The following PHIP variants were observed in gnomAD, a reference collection of about 807,000 sequenced individuals.
PHIP encodes PHIP subunit of CUL4-Ring ligase complex, also known as PH-interacting protein.
PHIP carries 54 observed loss-of-function variants against 236.8 expected under a neutral mutation model. That is an observed-to-expected ratio of 0.23 (90% CI 0.18 to 0.29). PHIP has a LOEUF of 0.29. Among genes scored for constraint, PHIP ranks in the 10% least tolerant of loss-of-function variants. The pLI is 1.00. For missense variants in PHIP, 1,370 were observed against 2,190.8 expected (o/e 0.63, Z 7.48); for synonymous variants, 756 against 718.9 (o/e 1.05, Z -0.83).
intron 4 of PHIP, among the ~76,000 whole-genome samples, chr6:79,065,569 T>C (rs1317208498): frequency 6.6e-6 from 1 of 152,160 alleles, no homozygotes; most frequent in Non-Finnish European, 1.5e-5. Context: ...TTCCCTCTAA[T>C]GTAACTTCCT....
At chr6:78,994,794 G>A (rs1228167776) in intron 19 of PHIP, among the ~76,000 whole-genome samples, 6 of 152,092 alleles carry the variant, frequency 3.9e-5, no homozygotes, top group African/African-American at 1.4e-4. Context: ...CATCAACATC[G>A]AGGCAAGACC....
intron 15 of PHIP, chr6:79,004,306 T>C: frequency 1.7e-6 from 1 of 571,690 alleles, no homozygotes; most frequent in Non-Finnish European, 2.2e-6. Context: ...TGGTAATAAA[T>C]TCCCTGGTAG....
At chr6:79,028,518 C>T (rs1260785850) in intron 7 of PHIP, among the ~76,000 whole-genome samples, 1 of 152,220 alleles carries the variant, frequency 6.6e-6, no homozygotes, top group East Asian at 1.9e-4. Flanking sequence ...CTGTAGCAGA[C>T]TATGACTCCC....
chr6:79,002,227 A>T, intron 16 of PHIP, 103 bp from the exon 17 acceptor site: 1 of 692,846 alleles, frequency 1.4e-6, no homozygotes. Flanking sequence ...CTGAATACGA[A>T]TAATGGTATT....
intron 19 of PHIP, 30 bp downstream of exon 19, chr6:78,997,384 T>C (rs776449816): frequency 1.9e-5 from 30 of 1,591,372 alleles, no homozygotes; most frequent in Admixed American, 3.3e-5. Context: ...CAAGGAACTA[T>C]GGTACATAAA....
At chr6:79,015,343 T>C (rs1465917861) in intron 14 of PHIP, 127 bp from the exon 15 acceptor site, 46 of 761,358 alleles carry the variant, frequency 6.0e-5, no homozygotes, top group African/African-American at 5.3e-5. Flanking sequence ...TTGGCAAAAA[T>C]CTTCAAATTT....
intron 24 of PHIP, among the ~76,000 whole-genome samples, chr6:78,977,094 T>C (rs1166290550): frequency 1.5e-5 from 2 of 133,564 alleles, no homozygotes; most frequent in Admixed American, 7.7e-5. Context: ...TATTGTGGCA[T>C]TATTCACAAT....
At chr6:79,058,301 C>G (rs747814377) in intron 6 of PHIP, among the ~76,000 whole-genome samples, 14 of 151,982 alleles carry the variant, frequency 9.2e-5, no homozygotes, top group Non-Finnish European at 1.2e-4. Flanking sequence ...CTGTTGTCTC[C>G]GACATCCACT....
intron 24 of PHIP, among the ~76,000 whole-genome samples, chr6:78,973,721 T>A (rs1406821476): frequency 2.0e-5 from 3 of 151,694 alleles, no homozygotes; most frequent in African/African-American, 7.3e-5. Flanking sequence ...AGACAGGGGT[T>A]GCAATCCTAG....
chr6:78,965,718 G>T lies in PHIP; in HGVS notation c.3364C>A (p.Leu1122Ile). The T allele has an allele frequency of 1.3e-6, 2 of 1,558,980 alleles. No individual in the cohort carries two copies. The highest frequency in any genetic ancestry group is 1.8e-6 in the Non-Finnish European group (2 of 1,133,750). Residue 1122 changes from leucine to isoleucine, a missense_variant, in exon 29 of 40, where the codon CTT becomes ATT. Around this residue, in one of 14 missense-constraint regions of PHIP, gnomAD observed 238 missense variants for 398.5 expected, o/e 0.60. Transcript: ENST00000275034. Reference sequence around the variant, plus strand: ...ACACACTTACCATTATTAGGTATAAGCTCCATATCCCAAGGACTCATCTTT... The same window carrying T: ...ACACACTTACCATTATTAGGTATAATCTCCATATCCCAAGGACTCATCTTT... ...TEKMSPWDME[L>I]IPNNAVFPEE...
At chr6:79,013,480 C>A (rs1305645537) in intron 15 of PHIP, among the ~76,000 whole-genome samples, 4 of 151,626 alleles carry the variant, frequency 2.6e-5, no homozygotes, top group Non-Finnish European at 5.9e-5. Flanking sequence ...TCTTATTTAA[C>A]AATAAACAAT....
rs1770984174 is a variant in PHIP, at chr6:79,019,129, A to G, written c.954T>C (p.Pro318=). ...NPRPAKFTER[P]RPGVQMICSS... is the part of the protein sequence containing the mutation. ...AACAGATCATTTGAACTCCAGGCCG[A>G]GGGCGCTCTGTAAATTTTGCAGGTC... The change falls in exon 10 of 40, where the codon CCT becomes CCC. Residue 318 remains proline, a synonymous_variant. Coordinates refer to ENST00000275034, the MANE Select transcript of PHIP (RefSeq NM_017934.7). 4 of 1,612,988 alleles carry G rather than the reference A, an allele frequency of 2.5e-6. No homozygotes were observed. The highest frequency in any genetic ancestry group is 2.5e-6 in the Non-Finnish European group (3 of 1,179,100).
chr6:78,970,696 G>A (rs1232084177), intron 25 of PHIP, 85 bp downstream of exon 25: 7 of 817,670 alleles, frequency 8.6e-6, no homozygotes, highest in Non-Finnish European at 1.4e-5. Flanking sequence ...GTTTCTTATT[G>A]TGTTAATAGT....
intron 17 of PHIP, among the ~76,000 whole-genome samples, chr6:78,999,880 G>A (rs1769876168): frequency 6.6e-6 from 1 of 151,964 alleles, no homozygotes. Context: ...GCAGACAGAA[G>A]TAAAAGTTCA....
chr6:79,070,321 C>T (rs1773820629), intron 4 of PHIP, among the ~76,000 whole-genome samples: 2 of 152,208 alleles, frequency 1.3e-5, no homozygotes, highest in Admixed American at 1.3e-4. Context: ...CATCCTTTAA[C>T]TGCTTATACT....
At chr6:78,954,307 C>T (rs1211482554) in intron 35 of PHIP, among the ~76,000 whole-genome samples, 2 of 151,812 alleles carry the variant, frequency 1.3e-5, no homozygotes, top group African/African-American at 2.4e-5. Flanking sequence ...GGGATTTCAC[C>T]GTGTTAGCCA....
At chr6:78,968,802 C>G (rs953393091) in intron 27 of PHIP, among the ~76,000 whole-genome samples, 2 of 152,154 alleles carry the variant, frequency 1.3e-5, no homozygotes, top group Non-Finnish European at 2.9e-5. Context: ...CCCACAATCT[C>G]TAACAGCTCA....
At chr6:79,043,266 T>C (rs1028866578) in intron 6 of PHIP, among the ~76,000 whole-genome samples, 2 of 150,982 alleles carry the variant, frequency 1.3e-5, no homozygotes, top group African/African-American at 4.8e-5. Context: ...AAGTAAGGCA[T>C]GAAGCTAGGA....
intron 35 of PHIP, among the ~76,000 whole-genome samples, chr6:78,949,686 CT>C (rs374657247): frequency 5.3e-4 from 78 of 147,220 alleles, no homozygotes; most frequent in Admixed American, 5.4e-4. Context: ...CTCTTTTTTA[CT>C]TTTTTTTTTT....
Sources: allele counts gnomAD v4.1 joint callset (sites outside exome capture counted in the v4.1 genomes callset), GRCh38; gene constraint gnomAD v4.1.1; regional missense constraint gnomAD v4.1.1; transcripts MANE v1.5; gene names NCBI Gene and HGNC (gene_info 2026-07-23, HGNC 2026-07-21).